ARHGAP8: variants seen among roughly 807,000 people sequenced by gnomAD.
The protein encoded by ARHGAP8 is rho GTPase-activating protein 8.
In ARHGAP8, 62 loss-of-function variants were observed where a neutral mutation model predicts 46.1. That is an observed-to-expected ratio of 1.34 (90% CI 1.10 to 1.66). The LOEUF is 1.66. ARHGAP8 is among the 40% of genes most tolerant of loss of function. The pLI is 0.00. For missense variants in ARHGAP8, 923 were observed against 568.4 expected (o/e 1.62, Z -6.34); for synonymous variants, 375 against 243.1 (o/e 1.54, Z -5.05).
At chr22:44,860,466 CCTCCT>C (rs1260150063) in intron 11 of ARHGAP8, among the ~76,000 whole-genome samples, 6 of 152,004 alleles carry the variant, frequency 3.9e-5, no homozygotes, top group African/African-American at 1.2e-4. Context: ...TCCACCTTTC[CCTCCT>C]AAGTGTGGAC....
At chr22:44,779,146 C>T (rs139417917) in intron 1 of ARHGAP8, among the ~76,000 whole-genome samples, 158 of 146,680 alleles carry the variant, frequency 1.1e-3, no homozygotes, top group Non-Finnish European at 1.7e-3. Flanking sequence ...GTCACCCAGG[C>T]TGGAGTGCAG....
In ARHGAP8 at chr22:44,808,322, A is replaced by C. The variant is rs891197527; in HGVS notation, c.183A>C (p.Thr61=). 2 of 1,614,150 alleles carry C rather than the reference A, an allele frequency of 1.2e-6. No homozygotes were observed. Among genetic ancestry groups the C allele is most frequent in the Admixed American group, 3.3e-5 (2 of 60,020 alleles). The change falls in exon 4 of 12, where the codon ACA becomes ACC. Residue 61 remains threonine, a synonymous_variant. Transcript: ENST00000356099. ...HQRLLEYLKY[T]LDQYVENDYT... Reference sequence around the variant, plus strand: ...TTGTGCCCAGGTATTTGAAGTACACACTGGACCAATACGTTGAGAACGATT... The same window carrying C: ...TTGTGCCCAGGTATTTGAAGTACACCCTGGACCAATACGTTGAGAACGATT...
At chr22:44,809,059 G>A (rs994703778) in intron 4 of ARHGAP8, 9 of 466,132 alleles carry the variant, frequency 1.9e-5, no homozygotes, top group East Asian at 7.0e-5. Context: ...AAGCTCAAGC[G>A]ATCCTCCCAC....
intron 3 of ARHGAP8, among the ~76,000 whole-genome samples, chr22:44,805,019 C>A (rs1928834846): frequency 6.6e-6 from 1 of 152,140 alleles, no homozygotes; most frequent in African/African-American, 2.4e-5. Flanking sequence ...GGTGCTCACC[C>A]CAGTGAGGAG....
rs41278887 is a variant in ARHGAP8 at position 44,862,404 on chromosome 22, G to C, written c.1111G>C (p.Glu371Gln). The C allele has an allele frequency of 3.3e-3, 5,330 of 1,614,170 alleles. 23 individuals are homozygous for C. The highest frequency in any genetic ancestry group is 9.0e-3 in the South Asian group (819 of 91,076). Residue 371 changes from glutamate to glutamine, a missense_variant, in exon 12 of 12, where the codon GAA becomes CAA. Glu to Gln is a conservative substitution (Grantham distance 29, BLOSUM62 2). Coordinates refer to ENST00000356099, the MANE Select transcript of ARHGAP8 (RefSeq NM_181335.3). ...CCTTGTGCCCCTGAACATGTTCACT[G>C]AACTGCTGATCGAGTACTATGAAAA... The part of the protein sequence containing the change: ...SALVPLNMFT[E>Q]LLIEYYEKIF...
At chr22:44,805,936 C>T (rs1011697750) in intron 3 of ARHGAP8, among the ~76,000 whole-genome samples, 6 of 152,178 alleles carry the variant, frequency 3.9e-5, no homozygotes, top group Non-Finnish European at 8.8e-5. Context: ...GCTGAGCACG[C>T]GGGCAGATGC....
intron 8 of ARHGAP8, among the ~76,000 whole-genome samples, chr22:44,846,668 C>G (rs941194457): frequency 3.5e-4 from 54 of 152,264 alleles, no homozygotes; most frequent in African/African-American, 1.2e-3. Context: ...CAATTCTGCC[C>G]CTCTCCCAGG....
chr22:44,794,947 G>A (rs1927967021), intron 2 of ARHGAP8, among the ~76,000 whole-genome samples: 1 of 149,696 alleles, frequency 6.7e-6, no homozygotes, highest in Admixed American at 6.7e-5. Context: ...AGGCTGAGAA[G>A]GGAGGATCGT....
At chr22:44,853,577 G>T (rs1285205637) in intron 10 of ARHGAP8, among the ~76,000 whole-genome samples, 1 of 152,170 alleles carries the variant, frequency 6.6e-6, no homozygotes, top group Non-Finnish European at 1.5e-5. Context: ...AATAAGTCTG[G>T]TTTCATTAGA....
intron 10 of ARHGAP8, chr22:44,851,094 T>C (rs1165808147): frequency 6.6e-6 from 1 of 152,108 alleles, no homozygotes; most frequent in Non-Finnish European, 1.5e-5. Context: ...TTCAAAGTGC[T>C]ACCTCTGCCT....
At chr22:44,810,482 C>T (rs1018235934) in intron 4 of ARHGAP8, among the ~76,000 whole-genome samples, 10 of 152,112 alleles carry the variant, frequency 6.6e-5, no homozygotes, top group Admixed American at 1.3e-4. Flanking sequence ...CCTCGTGATC[C>T]GCCTGCCTTG....
intron 7 of ARHGAP8, among the ~76,000 whole-genome samples, chr22:44,826,870 T>C (rs536697935): frequency 6.6e-6 from 1 of 152,214 alleles, no homozygotes; most frequent in African/African-American, 2.4e-5. Flanking sequence ...TAGAGGGAAG[T>C]GGATTCGGCC....
chr22:44,811,144 G>A (rs1327282958), intron 4 of ARHGAP8, among the ~76,000 whole-genome samples: 1 of 152,234 alleles, frequency 6.6e-6, no homozygotes, highest in African/African-American at 2.4e-5. Context: ...CGAGGGGGCT[G>A]CTGGTTCGCA....
intron 7 of ARHGAP8, among the ~76,000 whole-genome samples, chr22:44,841,282 C>T (rs1208528185): frequency 3.3e-5 from 5 of 152,096 alleles, no homozygotes; most frequent in African/African-American, 4.8e-5. Context: ...CGTGATTTGC[C>T]GATTGTACTG....
At chr22:44,802,805 CCT>C (rs1310718654) in intron 3 of ARHGAP8, among the ~76,000 whole-genome samples, 1 of 152,160 alleles carries the variant, frequency 6.6e-6, no homozygotes, top group Non-Finnish European at 1.5e-5. Flanking sequence ...GGCCTTTTTG[CCT>C]CTGTGTCTTC....
chr22:44,802,886 T>C (rs1033511597), intron 3 of ARHGAP8, among the ~76,000 whole-genome samples: 2 of 152,132 alleles, frequency 1.3e-5, no homozygotes, highest in Non-Finnish European at 1.5e-5. Context: ...TCTGAACTCA[T>C]TGCACCAGCA....
At chr22:44,772,563 A>G (rs540876984) in intron 1 of ARHGAP8, among the ~76,000 whole-genome samples, 72 of 151,168 alleles carry the variant, frequency 4.8e-4, no homozygotes, top group Middle Eastern at 3.2e-3. Flanking sequence ...TACTTTTTAT[A>G]TATTGCTGGG....
At chr22:44,784,970 C>T (rs1426281382) in intron 1 of ARHGAP8, among the ~76,000 whole-genome samples, 2 of 152,214 alleles carry the variant, frequency 1.3e-5, no homozygotes, top group Admixed American at 1.3e-4. Flanking sequence ...CCATCCCCCG[C>T]CCCATTCCTG....
intron 6 of ARHGAP8, among the ~76,000 whole-genome samples, chr22:44,825,131 G>A (rs866426710): frequency 9.9e-5 from 15 of 151,944 alleles, no homozygotes; most frequent in African/African-American, 3.4e-4. Flanking sequence ...TAGCATTACC[G>A]GCCAGCTCTC....
Sources: allele counts gnomAD v4.1 joint callset (sites outside exome capture counted in the v4.1 genomes callset), GRCh38; gene constraint gnomAD v4.1.1; transcripts MANE v1.5; gene names NCBI Gene and HGNC (gene_info 2026-07-23, HGNC 2026-07-21).